The following ARHGAP8 variants were observed in gnomAD, a reference collection of about 807,000 sequenced individuals.
The protein encoded by ARHGAP8 is rho GTPase-activating protein 8.
ARHGAP8 carries 62 observed loss-of-function variants against 46.1 expected under a neutral mutation model. The ratio of observed to expected loss-of-function variants is 1.34; its 90% CI spans 1.10 to 1.66. The LOEUF (loss-of-function observed/expected upper bound fraction) is 1.66. ARHGAP8 is among the 40% of genes most tolerant of loss of function. The pLI, the probability that ARHGAP8 is intolerant of heterozygous loss-of-function variation, is 0.00. For synonymous variants in ARHGAP8, 375 were observed against 243.1 expected (o/e 1.54, Z -5.05); for missense variants, 923 against 568.4 (o/e 1.62, Z -6.34).
In ARHGAP8 at chr22:44,825,549, G is replaced by T. The variant is rs377295717; in HGVS notation, c.552G>T (p.Pro184=). The T allele has an allele frequency of 6.2e-7, 1 of 1,613,366 alleles. No homozygotes were observed. The highest frequency in any genetic ancestry group is 8.5e-7 in the Non-Finnish European group (1 of 1,179,806). ...RTPPPTKTPP[P]RPPLPTQQFG... The stretch of plus-strand genomic sequence containing the variant: ...CGCCTCCCACCAAGACACCACCGCC[G>T]CGGCCCCCGCTGCCCACACAGCAGT... Residue 184 remains proline (P), a synonymous_variant, in exon 7 of 12, where the codon CCG becomes CCT. Transcript: ENST00000356099.
At chr22:44,787,037 CA>C (rs57241720) in intron 2 of ARHGAP8, among the ~76,000 whole-genome samples, 57,906 of 119,100 alleles carry the variant, frequency 0.49, 12,654 homozygotes, top group East Asian at 0.59. Flanking sequence ...CTCAAAAAAA[CA>C]AAAAAAAAAA....
At chr22:44,826,591 A>AT (rs1183981355) in intron 7 of ARHGAP8, among the ~76,000 whole-genome samples, 3 of 151,686 alleles carry the variant, frequency 2.0e-5, no homozygotes, top group African/African-American at 7.3e-5. Flanking sequence ...CGCCTGGCTA[A>AT]TTTTTTTGTA....
chr22:44,845,525 C>T (rs1391568046), intron 8 of ARHGAP8, among the ~76,000 whole-genome samples, 183 bp downstream of exon 8: 1 of 147,182 alleles, frequency 6.8e-6, no homozygotes, highest in Admixed American at 6.7e-5. Flanking sequence ...ATCCTGTCTC[C>T]CCTGTGTACT....
At chr22:44,861,123 C>T (rs1226415103) in intron 11 of ARHGAP8, among the ~76,000 whole-genome samples, 2 of 152,188 alleles carry the variant, frequency 1.3e-5, no homozygotes, top group Non-Finnish European at 2.9e-5. Flanking sequence ...AGGTGAGAAC[C>T]ACCATGCCCG....
intron 1 of ARHGAP8, among the ~76,000 whole-genome samples, chr22:44,756,719 G>A (rs1924712229): frequency 6.6e-6 from 1 of 151,356 alleles, no homozygotes; most frequent in Non-Finnish European, 1.5e-5. Flanking sequence ...ACTGTAAGTT[G>A]AATCCCTTTT....
chr22:44,780,471 G>GA (rs1231699664), intron 1 of ARHGAP8, among the ~76,000 whole-genome samples: 3 of 152,048 alleles, frequency 2.0e-5, no homozygotes, highest in Non-Finnish European at 4.4e-5. Context: ...GACCAACCTG[G>GA]TCAACATGGT....
chr22:44,799,822 T>A (rs1602192516), intron 2 of ARHGAP8, among the ~76,000 whole-genome samples: 1 of 115,662 alleles, frequency 8.6e-6, no homozygotes, highest in Non-Finnish European at 1.8e-5. Context: ...ATCCAGGGGG[T>A]GGGGGGTGGG....
intron 1 of ARHGAP8, among the ~76,000 whole-genome samples, chr22:44,785,385 A>G (rs1393480471): frequency 6.6e-6 from 1 of 152,070 alleles, no homozygotes; most frequent in Non-Finnish European, 1.5e-5. Flanking sequence ...GCAGAGCTGC[A>G]CTTTCCCGAA....
At chr22:44,815,491 C>T (rs1271768627) in intron 5 of ARHGAP8, among the ~76,000 whole-genome samples, 2 of 152,124 alleles carry the variant, frequency 1.3e-5, no homozygotes, top group Non-Finnish European at 2.9e-5. Flanking sequence ...ACCAGGCCGA[C>T]TCTCCCAGGA....
rs200183405 is a variant in ARHGAP8 at position 44,808,415 on chromosome 22, C to T, written c.276C>T (p.Ser92=). 806 of 1,614,148 alleles carry T rather than the reference C, an allele frequency of 5.0e-4. 13 individuals are homozygous for T. The South Asian group carries it at 8.1e-3, about 16-fold the overall frequency. ...RNKPSLGWLQ[S]AYKEFDRKYK... is the part of the protein sequence containing the mutation. ...AGCCTTCCCTGGGCTGGCTCCAGAG[C>T]GCATACAAGGAGTTCGATAGGAAGT... Residue 92 remains serine, a synonymous_variant, in exon 4 of 12, where the codon AGC becomes AGT. Coordinates refer to ENST00000356099, the MANE Select transcript of ARHGAP8 (RefSeq NM_181335.3).
chr22:44,811,565 G>A lies in ARHGAP8; in HGVS notation c.300-3107G>A, dbSNP rs1047288555. ...TGACTCTCCCACTCCCCGGGAGGTT[G>A]GATAGGGGTAGGGGTTAGGGTTAGC... On this transcript the variant is annotated intron_variant, in intron 4 of 11. Transcript: ENST00000356099. 4.6e-5 allele frequency among the ~76,000 whole-genome samples: 7 copies of A among 152,318 alleles called. No homozygotes were observed. In the South Asian group the frequency reaches 1.5e-3, roughly 32 times the overall value.
chr22:44,764,279 C>G, intron 1 of ARHGAP8, among the ~76,000 whole-genome samples: 1 of 152,170 alleles, frequency 6.6e-6, no homozygotes. Context: ...CCTGCAGGGA[C>G]TGGTAGCAAA....
chr22:44,844,669 G>T (rs1235459574), intron 7 of ARHGAP8, among the ~76,000 whole-genome samples: 1 of 152,006 alleles, frequency 6.6e-6, no homozygotes, highest in East Asian at 1.9e-4. Context: ...CACCATGTTG[G>T]CAAGGCTACT....
intron 10 of ARHGAP8, among the ~76,000 whole-genome samples, chr22:44,854,024 CAAAAAAAAAAAAAAAAAA>C (rs71315119): frequency 0.015 from 649 of 43,280 alleles, 11 homozygotes; most frequent in African/African-American, 0.051. Flanking sequence ...GACTCTGTCT[CAAAAAAAAAAAAAAAAAA>C]AAAAAAAAAA....
chr22:44,815,029 A>C (rs1929636803), intron 5 of ARHGAP8, among the ~76,000 whole-genome samples: 1 of 151,964 alleles, frequency 6.6e-6, no homozygotes. Flanking sequence ...CTGTGTGACC[A>C]CCCTCAGGTG....
chr22:44,766,547 C>T (rs770054853), intron 1 of ARHGAP8, among the ~76,000 whole-genome samples: 2 of 151,878 alleles, frequency 1.3e-5, no homozygotes, highest in Non-Finnish European at 2.9e-5. Flanking sequence ...TGTGTGTCTG[C>T]ATGTGGGCAT....
At chr22:44,841,131 C>T (rs901985041) in intron 7 of ARHGAP8, among the ~76,000 whole-genome samples, 2 of 152,184 alleles carry the variant, frequency 1.3e-5, no homozygotes, top group Non-Finnish European at 2.9e-5. Flanking sequence ...TCTGCCGTGG[C>T]CCTCGTAGGG....
At chr22:44,776,707 G>A (rs1926450021) in intron 1 of ARHGAP8, among the ~76,000 whole-genome samples, 1 of 152,152 alleles carries the variant, frequency 6.6e-6, no homozygotes, top group African/African-American at 2.4e-5. Context: ...GGGCACTCCG[G>A]GAGGATTTGG....
At chr22:44,817,075 G>A (rs367651127) in intron 5 of ARHGAP8, among the ~76,000 whole-genome samples, 8 of 152,114 alleles carry the variant, frequency 5.3e-5, no homozygotes, top group East Asian at 1.9e-4. Flanking sequence ...TAGTAGAGAC[G>A]GGGTTTCACC....
Sources: allele counts gnomAD v4.1 joint callset (sites outside exome capture counted in the v4.1 genomes callset), GRCh38; gene constraint gnomAD v4.1.1; transcripts MANE v1.5; gene names NCBI Gene and HGNC (gene_info 2026-07-23, HGNC 2026-07-21).